The following ZNF704 variants were observed in gnomAD, a reference collection of about 807,000 sequenced individuals.
ZNF704 encodes the protein glucocorticoid induced gene 1.
In ZNF704, 10 loss-of-function variants were observed where a neutral mutation model predicts 44.7. The ratio of observed to expected loss-of-function variants is 0.22; its 90% CI spans 0.14 to 0.38. The LOEUF (loss-of-function observed/expected upper bound fraction) is 0.38, where lower values mean the gene tolerates loss of function less well. ZNF704 is among the 10% of genes least tolerant of loss of function. The pLI is 1.00. For missense variants in ZNF704, 390 were observed against 545.5 expected (o/e 0.71, Z 2.84); for synonymous variants, 211 against 207.6 (o/e 1.02, Z -0.14).
chr8:80,688,782 A>C (rs1261228892), intron 3 of ZNF704, among the ~76,000 whole-genome samples: 3 of 152,154 alleles, frequency 2.0e-5, no homozygotes, highest in Non-Finnish European at 4.4e-5. Context: ...TATATGGCGA[A>C]ACCCCGTCTC....
At chr8:80,711,864 T>G (rs1818992449) in intron 2 of ZNF704, among the ~76,000 whole-genome samples, 1 of 152,236 alleles carries the variant, frequency 6.6e-6, no homozygotes, top group South Asian at 2.1e-4. Flanking sequence ...CAGCACCCAC[T>G]GTCTCTATCG....
chr8:80,747,091 T>C (rs899836643), intron 2 of ZNF704, among the ~76,000 whole-genome samples: 7 of 152,134 alleles, frequency 4.6e-5, no homozygotes, highest in Non-Finnish European at 8.8e-5. Flanking sequence ...TCGATCCCAA[T>C]GCTTCTAGCT....
intron 2 of ZNF704, among the ~76,000 whole-genome samples, chr8:80,731,063 T>C (rs1806572763): frequency 6.6e-6 from 1 of 152,254 alleles, no homozygotes; most frequent in African/African-American, 2.4e-5. Flanking sequence ...AAGGTAGTTA[T>C]ATTCTTATGT....
intron 2 of ZNF704, among the ~76,000 whole-genome samples, chr8:80,747,390 C>T (rs963252531): frequency 6.6e-6 from 1 of 152,066 alleles, no homozygotes; most frequent in Non-Finnish European, 1.5e-5. Context: ...CAAAGCAGTA[C>T]AGGAAACGCT....
Position 80,631,260 on chromosome 8 carries a change from G to C in ZNF704, c.*10106C>G, listed in dbSNP as rs1218963774. On this transcript the variant is annotated 3_prime_UTR_variant, in exon 9 of 9. Coordinates refer to ENST00000327835, the MANE Select transcript of ZNF704 (RefSeq NM_001033723.3). The stretch of plus-strand genomic sequence containing the variant: ...AAACTCCGCTGTATATCCCTGAGGG[G>C]TATATTCACACTCTGGCAGCCGCTC... The C allele has an allele frequency of 6.6e-6, 1 of 151,958 alleles. No homozygotes were observed. Among genetic ancestry groups the C allele is most frequent in the Admixed American group, 6.6e-5 (1 of 15,258 alleles). 9.4% of individuals were successfully genotyped at this position (151,958 alleles called of 1,614,324 possible).
intron 2 of ZNF704, among the ~76,000 whole-genome samples, chr8:80,708,374 T>C (rs1052017662): frequency 1.3e-5 from 2 of 152,236 alleles, no homozygotes; most frequent in Non-Finnish European, 2.9e-5. Flanking sequence ...GGGTGGCTAC[T>C]GGCCAGGGCA....
intron 1 of ZNF704, among the ~76,000 whole-genome samples, chr8:80,851,610 A>C (rs1808866182): frequency 6.6e-6 from 1 of 151,698 alleles, no homozygotes; most frequent in African/African-American, 2.4e-5. Flanking sequence ...GCATTAGGAG[A>C]TACACCTAAT....
chr8:80,777,489 T>A (rs980486942), intron 2 of ZNF704, among the ~76,000 whole-genome samples: 8 of 152,202 alleles, frequency 5.3e-5, no homozygotes, highest in Non-Finnish European at 1.0e-4. Flanking sequence ...TCACCTTCAG[T>A]CACCAATTAC....
At chr8:80,843,932 T>C (rs1022908415) in intron 1 of ZNF704, among the ~76,000 whole-genome samples, 1 of 150,168 alleles carries the variant, frequency 6.7e-6, no homozygotes, top group Non-Finnish European at 1.5e-5. Flanking sequence ...CAGTGAAATA[T>C]ATATATATGT....
chr8:80,664,207 C>T (rs1334387478), intron 6 of ZNF704, among the ~76,000 whole-genome samples: 2 of 150,756 alleles, frequency 1.3e-5, no homozygotes, highest in Non-Finnish European at 3.0e-5. Context: ...AGCAATTCTC[C>T]CGCCTCAGCC....
chr8:80,838,463 TG>T (rs1808618316), intron 1 of ZNF704, among the ~76,000 whole-genome samples: 1 of 152,116 alleles, frequency 6.6e-6, no homozygotes, highest in Non-Finnish European at 1.5e-5. Context: ...TTAGTGGTGC[TG>T]GCTGGTGGTG....
At chr8:80,753,865 G>A (rs570283863) in intron 2 of ZNF704, among the ~76,000 whole-genome samples, 33 of 152,128 alleles carry the variant, frequency 2.2e-4, no homozygotes, top group Admixed American at 1.2e-3. Flanking sequence ...AGGCCTCTCC[G>A]ACCCTCAAAG....
At chr8:80,723,973 C>T (rs1232544328) in intron 2 of ZNF704, among the ~76,000 whole-genome samples, 1 of 152,198 alleles carries the variant, frequency 6.6e-6, no homozygotes, top group African/African-American at 2.4e-5. Context: ...CACACTGATT[C>T]TCATCAGCTT....
At chr8:80,742,132 G>C (rs533842163) in intron 2 of ZNF704, among the ~76,000 whole-genome samples, 66 of 152,126 alleles carry the variant, frequency 4.3e-4, no homozygotes, top group Middle Eastern at 3.4e-3. Context: ...TTACACTGCC[G>C]GGGTCATCAG....
chr8:80,726,833 G>GCA (rs60158512), intron 2 of ZNF704, among the ~76,000 whole-genome samples: 31,036 of 147,484 alleles, frequency 0.21, 3,567 homozygotes, highest in South Asian at 0.34. Context: ...ACACACACAT[G>GCA]CACACACACA....
At chr8:80,678,674 CAT>C (rs1563515934) in intron 4 of ZNF704, among the ~76,000 whole-genome samples, 1 of 152,090 alleles carries the variant, frequency 6.6e-6, no homozygotes, top group Non-Finnish European at 1.5e-5. Context: ...TAAATTATGC[CAT>C]ATGACTGTAT....
intron 2 of ZNF704, among the ~76,000 whole-genome samples, chr8:80,762,490 T>C (rs7005576): frequency 6.8e-4 from 104 of 152,228 alleles, no homozygotes; most frequent in African/African-American, 2.4e-3. Flanking sequence ...TCAGATCTCA[T>C]GAGAACCCAC....
At chr8:80,704,235 G>A (rs1049207373) in intron 2 of ZNF704, among the ~76,000 whole-genome samples, 1 of 152,216 alleles carries the variant, frequency 6.6e-6, no homozygotes, top group Non-Finnish European at 1.5e-5. Flanking sequence ...ACAGCTCAGG[G>A]AGGCATCTCG....
chr8:80,847,722 G>A (rs1808790085), intron 1 of ZNF704, among the ~76,000 whole-genome samples: 2 of 152,106 alleles, frequency 1.3e-5, no homozygotes, highest in African/African-American at 2.4e-5. Flanking sequence ...AGGAAAGAGT[G>A]TTTTAACAAA....
Sources: gnomAD v4.1 joint callset for allele counts (sites outside exome capture counted in the v4.1 genomes callset) on GRCh38, gnomAD v4.1.1 for gene constraint, MANE v1.5 for transcripts, NCBI Gene and HGNC (gene_info 2026-07-23, HGNC 2026-07-21) for gene names.